IQCH: variants seen among roughly 807,000 people sequenced by gnomAD.
The protein encoded by IQCH is IQ motif containing H, also known as IQ domain-containing protein H.
In IQCH, 98 loss-of-function variants were observed where a neutral mutation model predicts 117.0. That is an observed-to-expected ratio of 0.84 (90% confidence interval 0.71 to 0.99). The LOEUF (loss-of-function observed/expected upper bound fraction) is 0.99. Among genes scored for constraint, IQCH ranks in the 50% least tolerant of loss-of-function variants. The pLI is 0.00. For missense variants in IQCH, 1,102 were observed against 1,243.8 expected (o/e 0.89, Z 1.72); for synonymous variants, 412 against 448.2 (o/e 0.92, Z 1.02).
intron 20 of IQCH, among the ~76,000 whole-genome samples, chr15:67,497,707 A>C (rs2141112847): frequency 6.6e-6 from 1 of 152,034 alleles, no homozygotes; most frequent in East Asian, 1.9e-4. Flanking sequence ...GGTCAGGCTG[A>C]CCTCGAACTC....
chr15:67,338,546 T>G (rs1969004124), intron 5 of IQCH, among the ~76,000 whole-genome samples: 2 of 118,362 alleles, frequency 1.7e-5, no homozygotes, highest in South Asian at 5.1e-4. Context: ...CCTTAAATGT[T>G]GTTTTAGCCT....
intron 12 of IQCH, among the ~76,000 whole-genome samples, chr15:67,392,785 C>CAAAAA (rs33923178): frequency 1.8e-5 from 2 of 113,418 alleles, no homozygotes; most frequent in Non-Finnish European, 3.4e-5. Flanking sequence ...CCTGCTTCCA[C>CAAAAA]AAAAAAAAAA....
At chr15:67,446,971 C>A (rs2082405527) in intron 16 of IQCH, among the ~76,000 whole-genome samples, 1 of 152,166 alleles carries the variant, frequency 6.6e-6, no homozygotes. Context: ...ATCACAGTGC[C>A]CTCTCACATT....
intron 16 of IQCH, among the ~76,000 whole-genome samples, chr15:67,429,746 C>T (rs1446355942): frequency 6.6e-6 from 1 of 152,148 alleles, no homozygotes; most frequent in East Asian, 1.9e-4. Flanking sequence ...CATAATTTAC[C>T]ATGCTGACGC....
chr15:67,270,888 AT>A (rs1479150331), intron 3 of IQCH, among the ~76,000 whole-genome samples: 1 of 152,160 alleles, frequency 6.6e-6, no homozygotes, highest in Non-Finnish European at 1.5e-5. Context: ...ATCTATTGGA[AT>A]GATCATATGG....
rs1237286953 is a variant in IQCH, at chr15:67,490,507, G to A, written c.2861+443G>A. On this transcript the variant is annotated intron_variant, in intron 19 of 20. Transcript: ENST00000335894. The surrounding 1 kb of genome is among the most constrained non-coding windows in gnomAD (Gnocchi z 4.9). ...GCCTGAGCCACTGCGCCCAGCCTAG[G>A]TATTTTATAAAATGACTTTAGATGT... Among the ~76,000 whole-genome samples the A allele has an allele frequency of 6.6e-6, 1 of 152,018 alleles. No individual in the cohort carries two copies. The highest frequency in any genetic ancestry group is 1.5e-5 in the Non-Finnish European group (1 of 67,988).
intron 4 of IQCH, among the ~76,000 whole-genome samples, chr15:67,282,564 G>A (rs1339104963): frequency 6.6e-6 from 1 of 152,148 alleles, no homozygotes; most frequent in Non-Finnish European, 1.5e-5. Context: ...TGTGACGTCT[G>A]CTTAAAAATG....
rs1017992619 is a variant in IQCH, at chr15:67,457,973, A to C, written c.2506-7154A>C. ...TGCCTTGTCCCCTGGGGAAGGCCTCAGGTCCTATAGACCTCACTTCTCACC... is the reference window on the plus strand; with the variant it reads ...TGCCTTGTCCCCTGGGGAAGGCCTCCGGTCCTATAGACCTCACTTCTCACC... On this transcript the variant is annotated intron_variant, in intron 16 of 20. Transcript: ENST00000335894. The surrounding 1 kb of genome is among the most constrained non-coding windows in gnomAD (Gnocchi z 5.7). Among the ~76,000 whole-genome samples, 3 of 152,158 alleles carry C rather than the reference A, an allele frequency of 2.0e-5. No homozygotes were observed. The highest frequency in any genetic ancestry group is 4.4e-5 in the Non-Finnish European group (3 of 68,026).
intron 4 of IQCH, among the ~76,000 whole-genome samples, chr15:67,328,134 G>C (rs1272035604): frequency 2.8e-5 from 4 of 141,880 alleles, no homozygotes; most frequent in South Asian, 2.3e-4. Context: ...GGAGTTTTGT[G>C]GGGGTTTTTT....
rs1171908713 is a variant in IQCH, at chr15:67,407,930, G to T, written c.2097+7625G>T. 2 of 152,210 alleles carry T rather than the reference G, an allele frequency of 1.3e-5. No homozygotes were observed. Among genetic ancestry groups the T allele is most frequent in the Non-Finnish European group, 2.9e-5 (2 of 68,044 alleles). The allele number at this position is 152,210 out of a possible 1,614,324, so 9.4% of individuals were successfully genotyped here. A position where few individuals can be genotyped will look rare whatever the true frequency, so the allele number is the denominator to read the frequency against. ...GGTATCAGAGCTGTTAATTACCGGA[G>T]TAAACAGTTGAAATGGTGCCAAGGT... On this transcript the variant is annotated intron_variant, in intron 14 of 20. Coordinates refer to ENST00000335894, the MANE Select transcript of IQCH (RefSeq NM_001031715.3). The surrounding 1 kb of genome is among the most constrained non-coding windows in gnomAD (Gnocchi z 5.3).
intron 4 of IQCH, among the ~76,000 whole-genome samples, chr15:67,291,216 G>T (rs1177078792): frequency 1.3e-5 from 2 of 152,156 alleles, no homozygotes; most frequent in Non-Finnish European, 2.9e-5. Context: ...AAGCAAAAAG[G>T]TGAAGCCATT....
In IQCH at chr15:67,381,797, A is replaced by G. The variant is rs1052559914; in HGVS notation, c.1373-3139A>G. Among the ~76,000 whole-genome samples, 2 of 151,972 alleles carry G rather than the reference A, an allele frequency of 1.3e-5. No homozygotes were observed. Among genetic ancestry groups the G allele is most frequent in the Non-Finnish European group, 2.9e-5 (2 of 67,984 alleles). On this transcript the variant is annotated intron_variant, in intron 10 of 20. Coordinates refer to ENST00000335894, the MANE Select transcript of IQCH (RefSeq NM_001031715.3). This position sits in a 1 kb window ranked among gnomAD's most constrained non-coding sequence, Gnocchi z 5.1. ...GGAATTTGAGATCAGCCTGGGCAAC[A>G]TGGCGAAACCCTGGCTCTACAAAAA... is the stretch of plus-strand genomic sequence containing the variant.
In IQCH at chr15:67,467,700, C is replaced by G. The variant is rs532969666; in HGVS notation, c.2676+2403C>G. 6.6e-6 allele frequency among the ~76,000 whole-genome samples: 1 copy of G among 152,302 alleles called. No individual in the cohort carries two copies. Among genetic ancestry groups the G allele is most frequent in the South Asian group, 2.1e-4 (1 of 4,826 alleles). Reference sequence around the variant, plus strand: ...ATGCACACGCGGTACAACTCACAAGCAAATCGAAGCTTCCTGAACAAGTGT... The same window carrying G: ...ATGCACACGCGGTACAACTCACAAGGAAATCGAAGCTTCCTGAACAAGTGT... On this transcript the variant is annotated intron_variant, in intron 17 of 20. Transcript: ENST00000335894. The surrounding 1 kb of genome is among the most constrained non-coding windows in gnomAD (Gnocchi z 5.7).
chr15:67,412,099 A>G (rs564550404), intron 14 of IQCH, among the ~76,000 whole-genome samples: 3 of 152,360 alleles, frequency 2.0e-5, no homozygotes, highest in African/African-American at 7.2e-5. Context: ...CCCTAGAGCT[A>G]TCAGCCCCAC....
At chr15:67,324,004 C>T (rs1968274952) in intron 4 of IQCH, among the ~76,000 whole-genome samples, 2 of 126,656 alleles carry the variant, frequency 1.6e-5, no homozygotes, top group Non-Finnish European at 3.1e-5. Flanking sequence ...AATGCAATGG[C>T]GTGATCTCGG....
At chr15:67,259,063 G>T (rs753007368) in intron 1 of IQCH, among the ~76,000 whole-genome samples, 3 of 152,160 alleles carry the variant, frequency 2.0e-5, no homozygotes, top group Non-Finnish European at 4.4e-5. Context: ...CATTTACAGG[G>T]TATTACTTAT....
At position 67,431,638 on chromosome 15, in the gene IQCH, T is replaced by TA. The variant is rs576252289; in HGVS notation, c.2505+10070dup. Among the ~76,000 whole-genome samples the TA allele has an allele frequency of 2.1e-3, 321 of 150,958 alleles. No homozygotes were observed. Among genetic ancestry groups the TA allele is most frequent in the Middle Eastern group, 6.8e-3 (2 of 292 alleles). On this transcript the variant is annotated intron_variant, in intron 16 of 20. Transcript: ENST00000335894. The surrounding 1 kb of genome is among the most constrained non-coding windows in gnomAD (Gnocchi z 4.8). ...GCACACGTACCCCGAACTTAAAAGT[T>TA]AAAAAAAAACACACATTGTTCTTTA...
chr15:67,384,816 A>C lies in IQCH; in HGVS notation c.1373-120A>C, dbSNP rs1022104924. On this transcript the variant is annotated intron_variant, in intron 10 of 20. Coordinates refer to ENST00000335894, the MANE Select transcript of IQCH (RefSeq NM_001031715.3). The surrounding 1 kb of genome is among the most constrained non-coding windows in gnomAD (Gnocchi z 4.3). Reference sequence around the variant, plus strand: ...TCTTCGGGATTGGGTTGTTTCTGTAAGATGCTTCAGAGAAAATTTTTTCCT... The same window carrying C: ...TCTTCGGGATTGGGTTGTTTCTGTACGATGCTTCAGAGAAAATTTTTTCCT... 1.3e-5 allele frequency: 9 copies of C among 668,580 alleles called. No homozygotes were observed. The African/African-American group carries it at 1.6e-4, about 12-fold the overall frequency. 41.4% of individuals were successfully genotyped at this position (668,580 alleles called of 1,614,324 possible).
Position 67,479,961 on chromosome 15 carries a change from G to A in IQCH, c.2799+4143G>A, listed in dbSNP as rs1245548702. Among the ~76,000 whole-genome samples the A allele has an allele frequency of 6.6e-6, 1 of 152,206 alleles. No individual in the cohort carries two copies. Among genetic ancestry groups the A allele is most frequent in the African/African-American group, 2.4e-5 (1 of 41,454 alleles). The stretch of plus-strand genomic sequence containing the variant: ...CATTGCTGAGTTTGTAAGCAACTTG[G>A]TGGGTCTCATTCCGGGTATTTCTCT... On this transcript the variant is annotated intron_variant, in intron 18 of 20. Coordinates refer to ENST00000335894, the MANE Select transcript of IQCH (RefSeq NM_001031715.3). The surrounding 1 kb of genome is among the most constrained non-coding windows in gnomAD (Gnocchi z 4.6).
Sources: allele counts gnomAD v4.1 joint callset (sites outside exome capture counted in the v4.1 genomes callset), GRCh38; gene constraint gnomAD v4.1.1; non-coding constraint Gnocchi (gnomAD v3.1); transcripts MANE v1.5; gene names NCBI Gene and HGNC (gene_info 2026-07-23, HGNC 2026-07-21).